Variants in PRDM16 observed in about 807,000 individuals in gnomAD.
The protein encoded by PRDM16 is PR/SET domain 16.
Under a neutral mutation model 110.6 loss-of-function variants are expected in PRDM16, and 23 were observed. That is an observed-to-expected ratio of 0.21 (90% CI 0.15 to 0.29). PRDM16 has a LOEUF of 0.29. Among genes scored for constraint, PRDM16 ranks in the 10% least tolerant of loss-of-function variants. The pLI is 1.00. For missense variants in PRDM16, 1,615 were observed against 1,794.3 expected, an observed-to-expected ratio of 0.90 and a Z score of 1.81; for synonymous variants, 799 against 781.8, an observed-to-expected ratio of 1.02 and a Z score of -0.37.
intron 1 of PRDM16, among the ~76,000 whole-genome samples, chr1:3,093,525 C>G (rs913976453): frequency 6.6e-6 from 1 of 152,184 alleles, no homozygotes; most frequent in Non-Finnish European, 1.5e-5. Flanking sequence ...GTTGTGTGCT[C>G]TCTGCCTCTG....
intron 14 of PRDM16, 64 bp from the exon 15 acceptor site, chr1:3,430,808 T>G (rs1006932725): frequency 1.3e-6 from 2 of 1,585,448 alleles, no homozygotes; most frequent in African/African-American, 2.7e-5. Flanking sequence ...TCACCAGCCT[T>G]TGGGGGTCCA....
rs150205233 is a variant in PRDM16 at position 3,147,874 on chromosome 1, T to C, written c.38-38251T>C. On this transcript the variant is annotated intron_variant, in intron 1 of 16. Transcript: ENST00000270722. ...GGCTGAGAGCTGATACTGGCCCCTC[T>C]CGCCCCAGCCAGAGCAGAGGGGTTC... Among the ~76,000 whole-genome samples the C allele has an allele frequency of 1.4e-3, 220 of 152,260 alleles. 1 individual carries two copies. The highest frequency in any genetic ancestry group is 5.1e-3 in the African/African-American group (211 of 41,544).
intron 3 of PRDM16, among the ~76,000 whole-genome samples, chr1:3,346,581 G>A (rs764165522): frequency 2.2e-4 from 34 of 152,168 alleles, no homozygotes; most frequent in Admixed American, 1.0e-3. Context: ...GTCTTTGGGG[G>A]CAGGCAACAC....
rs980953970 is a variant in PRDM16 at position 3,435,887 on chromosome 1, C to T, written c.*2076C>T. 5.6e-5 allele frequency: 13 copies of T among 231,850 alleles called. No individual in the cohort carries two copies. The highest frequency in any genetic ancestry group is 7.7e-5 in the Non-Finnish European group (9 of 117,232). The allele number at this position is 231,850 out of a possible 1,614,324, so 14.4% of individuals were successfully genotyped here. On this transcript the variant is annotated 3_prime_UTR_variant, in exon 17 of 17. Transcript: ENST00000270722. ...TTCCTCCCACGCCAGATCTGCACAA[C>T]GAGGCAAGACAGGACCCACCTGTGC...
intron 2 of PRDM16, among the ~76,000 whole-genome samples, chr1:3,212,774 C>CCCACCAGCA (rs1308226868): frequency 2.0e-5 from 3 of 152,230 alleles, no homozygotes; most frequent in African/African-American, 7.2e-5. Flanking sequence ...ACCTGCATTT[C>CCCACCAGCA]CGCCGCTACC....
At position 3,181,037 on chromosome 1, in the gene PRDM16, C is replaced by T. The variant is rs1405617662; in HGVS notation, c.38-5088C>T. 4.1e-5 allele frequency among the ~76,000 whole-genome samples: 6 copies of T among 145,636 alleles called. No individual in the cohort carries two copies. In the Admixed American group the frequency reaches 4.2e-4, roughly 10 times the overall value. On this transcript the variant is annotated intron_variant, in intron 1 of 16. Transcript: ENST00000270722. ...TTACAAATGCGGTCTTACACGCGGT[C>T]TTACACACGCAGTCTTACACGCGGT...
At chr1:3,179,074 C>A (rs1644122422) in intron 1 of PRDM16, among the ~76,000 whole-genome samples, 1 of 152,240 alleles carries the variant, frequency 6.6e-6, no homozygotes, top group South Asian at 2.1e-4. Context: ...ACTGTCAGGG[C>A]CTTGGAGGAA....
rs1643705121 is a variant in PRDM16 at position 3,412,291 on chromosome 1, C to A, written c.2094C>A (p.Ser698=). 6.2e-7 allele frequency: 1 copy of A among 1,613,616 alleles called. No individual in the cohort carries two copies. The highest frequency in any genetic ancestry group is 1.3e-5 in the African/African-American group (1 of 74,936). Reference sequence around the variant, plus strand: ...GGGACTCCATCAAGGCCATCGCATCCATTGCCGAGAAGTACTTTGGCCCCG... The same window carrying A: ...GGGACTCCATCAAGGCCATCGCATCAATTGCCGAGAAGTACTTTGGCCCCG... ...AAGDSIKAIA[S]IAEKYFGPGF... is the part of the protein sequence containing the mutation. Residue 698 remains serine (S), a synonymous_variant, in exon 9 of 17, where the codon TCC becomes TCA. Coordinates refer to ENST00000270722, the MANE Select transcript of PRDM16 (RefSeq NM_022114.4).
chr1:3,240,747 A>G (rs1639651381), intron 2 of PRDM16, among the ~76,000 whole-genome samples: 1 of 152,252 alleles, frequency 6.6e-6, no homozygotes, highest in Non-Finnish European at 1.5e-5. Flanking sequence ...CAGAGCCCTA[A>G]GCGCCTCTGC....
chr1:3,295,312 C>G (rs1457819528), intron 3 of PRDM16, among the ~76,000 whole-genome samples: 1 of 152,162 alleles, frequency 6.6e-6, no homozygotes, highest in Non-Finnish European at 1.5e-5. Context: ...GAGGGTGCAG[C>G]TCATCTGAGA....
intron 3 of PRDM16, among the ~76,000 whole-genome samples, chr1:3,314,095 A>G (rs1641540717): frequency 7.0e-6 from 1 of 141,944 alleles, no homozygotes; most frequent in Non-Finnish European, 1.5e-5. Context: ...GGAACATAAA[A>G]TGGACCCAAG....
chr1:3,404,649 G>A, intron 6 of PRDM16, 90 bp from the exon 7 acceptor site: 1 of 1,515,060 alleles, frequency 6.6e-7, no homozygotes. Context: ...GGCTCCGAAG[G>A]GGCACTGGGA....
At chr1:3,077,484 A>G (rs1328445866) in intron 1 of PRDM16, among the ~76,000 whole-genome samples, 4 of 152,170 alleles carry the variant, frequency 2.6e-5, no homozygotes, top group African/African-American at 7.2e-5. Flanking sequence ...CGATGTGTGC[A>G]CTCGTGTGAA....
At chr1:3,389,610 G>A (rs144377656) in intron 4 of PRDM16, among the ~76,000 whole-genome samples, 8 of 152,298 alleles carry the variant, frequency 5.3e-5, no homozygotes, top group East Asian at 3.9e-4. Flanking sequence ...TCCTGGGCCC[G>A]GCCCTGTTGC....
intron 2 of PRDM16, among the ~76,000 whole-genome samples, chr1:3,212,275 A>C (rs1344596578): frequency 6.6e-6 from 1 of 152,114 alleles, no homozygotes; most frequent in African/African-American, 2.4e-5. Flanking sequence ...GTGCTAGTTA[A>C]GCTCCTCATT....
Position 3,244,043 on chromosome 1 carries a change from T to G in PRDM16, c.388-44T>G. On this transcript the variant is annotated intron_variant, in intron 2 of 16. Coordinates refer to ENST00000270722, the MANE Select transcript of PRDM16 (RefSeq NM_022114.4). The surrounding 1 kb of genome is among the most constrained non-coding windows in gnomAD (Gnocchi z 4.1). Reference sequence around the variant, plus strand: ...TTTAGAACCCAGTGTAGCTTGAGAATGTTTTATCAGAAACTAACAACCCCT... The same window carrying G: ...TTTAGAACCCAGTGTAGCTTGAGAAGGTTTTATCAGAAACTAACAACCCCT... 1 of 1,597,808 alleles carries G rather than the reference T, an allele frequency of 6.3e-7. No homozygotes were observed. Among genetic ancestry groups the G allele is most frequent in the Non-Finnish European group, 8.6e-7 (1 of 1,165,250 alleles).
intron 3 of PRDM16, among the ~76,000 whole-genome samples, chr1:3,381,507 A>G (rs996602121): frequency 5.9e-5 from 9 of 151,526 alleles, no homozygotes; most frequent in African/African-American, 2.2e-4. Context: ...GGTACAAGCA[A>G]TTCTTGTGCC....
rs908092223 is a variant in PRDM16, at chr1:3,246,014, C to T, written c.438+1877C>T. ...GATCAGTTTATGCTGGGAGGGGTTG[C>T]TTGGTCTAGGAACAGGGGTCAAGTC... On this transcript the variant is annotated intron_variant, in intron 3 of 16. Transcript: ENST00000270722. The surrounding 1 kb of genome is among the most constrained non-coding windows in gnomAD (Gnocchi z 5.2). 6.6e-6 allele frequency among the ~76,000 whole-genome samples: 1 copy of T among 152,090 alleles called. No individual in the cohort carries two copies. The highest frequency in any genetic ancestry group is 2.4e-5 in the African/African-American group (1 of 41,404).
intron 2 of PRDM16, among the ~76,000 whole-genome samples, chr1:3,224,019 G>A (rs552282432): frequency 6.6e-6 from 1 of 152,192 alleles, no homozygotes; most frequent in Non-Finnish European, 1.5e-5. Flanking sequence ...ACCGATCAGG[G>A]ATTTCTCTTC....
Sources: gnomAD v4.1 joint callset for allele counts (sites outside exome capture counted in the v4.1 genomes callset) on GRCh38, gnomAD v4.1.1 for gene constraint, Gnocchi (gnomAD v3.1) non-coding constraint, MANE v1.5 for transcripts, NCBI Gene and HGNC (gene_info 2026-07-23, HGNC 2026-07-21) for gene names.